TJP1: variants seen among roughly 807,000 people sequenced by gnomAD.
TJP1 encodes tight junction protein 1, also known as tight junction protein ZO-1.
Under a neutral mutation model 194.2 loss-of-function variants are expected in TJP1, and 43 were observed. The ratio of observed to expected loss-of-function variants is 0.22; its 90% confidence interval spans 0.17 to 0.29. The LOEUF (loss-of-function observed/expected upper bound fraction) is 0.29, where lower values mean the gene tolerates loss of function less well. TJP1 is among the 10% of genes least tolerant of loss of function. The pLI, the probability that TJP1 is intolerant of heterozygous loss-of-function variation, is 1.00. For synonymous variants in TJP1, 801 were observed against 779.0 expected (o/e 1.03, Z -0.47); for missense variants, 1,971 against 2,185.7 (o/e 0.90, Z 1.96).
chr15:29,742,586 A>G, intron 9 of TJP1, 56 bp downstream of exon 9: 2 of 1,464,474 alleles, frequency 1.4e-6, no homozygotes, highest in Non-Finnish European at 1.8e-6. Flanking sequence ...AAATCCTAAC[A>G]ATTACTTCAC....
At chr15:29,748,725 A>G (rs2045001005) in intron 8 of TJP1, among the ~76,000 whole-genome samples, 1 of 151,932 alleles carries the variant, frequency 6.6e-6, no homozygotes, top group Non-Finnish European at 1.5e-5. Context: ...GATGCGTGCC[A>G]CCATACCCTG....
chr15:29,855,805 G>A (rs961719378), intron 2 of TJP1, among the ~76,000 whole-genome samples: 3 of 151,484 alleles, frequency 2.0e-5, no homozygotes, highest in East Asian at 1.9e-4. Context: ...TCAGTGAGCC[G>A]AGATAACAAC....
intron 2 of TJP1, among the ~76,000 whole-genome samples, chr15:29,856,745 G>A (rs2051867083): frequency 6.6e-6 from 1 of 151,820 alleles, no homozygotes; most frequent in Admixed American, 6.6e-5. Context: ...AGGCTGAGGC[G>A]GGCAGATCAC....
intron 5 of TJP1, among the ~76,000 whole-genome samples, chr15:29,765,338 G>A (rs2046266757): frequency 6.6e-6 from 1 of 152,208 alleles, no homozygotes; most frequent in East Asian, 1.9e-4. Context: ...TATGCCAAGT[G>A]GTAAAGCAGA....
chr15:29,820,176 T>TC (rs397854483), intron 1 of TJP1, among the ~76,000 whole-genome samples: 57 of 151,458 alleles, frequency 3.8e-4, no homozygotes, highest in African/African-American at 9.0e-4. Context: ...TTTTTTTTTT[T>TC]CCAAACTGAA....
At chr15:29,896,674 T>C (rs1596206862) in intron 2 of TJP1, among the ~76,000 whole-genome samples, 1 of 152,154 alleles carries the variant, frequency 6.6e-6, no homozygotes, top group African/African-American at 2.4e-5. Flanking sequence ...AAAATGCTGA[T>C]AGTGATCTGA....
At chr15:29,826,503 A>C (rs1370052196), upstream of TJP1, among the ~76,000 whole-genome samples, 1 of 152,210 alleles carries the variant, frequency 6.6e-6, no homozygotes, top group East Asian at 1.9e-4. Context: ...ATCCATAGAG[A>C]AAACAGACAT....
intron 8 of TJP1, 41 bp downstream of exon 8, chr15:29,761,098 A>G (rs1178897359): frequency 6.5e-7 from 1 of 1,536,124 alleles, no homozygotes; most frequent in African/African-American, 1.4e-5. Flanking sequence ...GTATCAAGCA[A>G]ACAAAACCCC....
At chr15:29,799,695 G>A (rs553352736) in intron 2 of TJP1, among the ~76,000 whole-genome samples, 34 of 152,206 alleles carry the variant, frequency 2.2e-4, no homozygotes, top group East Asian at 7.7e-4. Flanking sequence ...GATTACAGGC[G>A]TGAGCCACCA....
At chr15:29,744,985 G>A (rs773805321) in intron 8 of TJP1, among the ~76,000 whole-genome samples, 6 of 152,114 alleles carry the variant, frequency 3.9e-5, no homozygotes, top group Non-Finnish European at 2.9e-5. Context: ...TGCAAGATTA[G>A]TTCGACATTA....
At chr15:29,761,108 C>T (rs1183970020) in intron 8 of TJP1, 31 bp downstream of exon 8, 1 of 1,555,750 alleles carries the variant, frequency 6.4e-7, no homozygotes, top group African/African-American at 1.4e-5. Context: ...AACAAAACCC[C>T]TGTATTTTTT....
chr15:29,718,553 G>A lies in TJP1; in HGVS notation c.3589C>T (p.Arg1197Cys), dbSNP rs2042717488. The change falls in exon 21 of 28, where the codon CGC becomes TGC. Residue 1197 changes from arginine (R) to cysteine (C), a missense_variant. Around this residue, in one of 5 missense-constraint regions of TJP1, gnomAD observed 1,108 missense variants for 1,128.5 expected, o/e 0.98. Transcript: ENST00000614355. ...ESKQYFEQYS[R>C]SYEQVPPQGF... ...TGGGGTGGTACTTGCTCGTAACTGC[G>A]TGAATATTGCTCAAAATACTGCTTG... The A allele has an allele frequency of 6.2e-7, 1 of 1,614,128 alleles. No individual in the cohort carries two copies. Among genetic ancestry groups the A allele is most frequent in the Non-Finnish European group, 8.5e-7 (1 of 1,180,030 alleles).
At chr15:29,915,810 G>A (rs191352987) in intron 2 of TJP1, among the ~76,000 whole-genome samples, 1 of 152,042 alleles carries the variant, frequency 6.6e-6, no homozygotes, top group Non-Finnish European at 1.5e-5. Flanking sequence ...TACTTTCTTT[G>A]TTTTGGTATA....
chr15:29,949,061 A>T (rs1289220542), intron 2 of TJP1, among the ~76,000 whole-genome samples: 40 of 137,296 alleles, frequency 2.9e-4, no homozygotes, highest in Non-Finnish European at 5.2e-4. Flanking sequence ...CACCTCCACC[A>T]CCACCTCTAC....
intron 10 of TJP1, among the ~76,000 whole-genome samples, chr15:29,740,519 C>A (rs1453815114): frequency 1.3e-5 from 2 of 151,872 alleles, no homozygotes; most frequent in African/African-American, 4.8e-5. Context: ...TTCATCCCAG[C>A]TACTCAGGAG....
At chr15:29,859,912 C>A (rs960648671) in intron 2 of TJP1, among the ~76,000 whole-genome samples, 1 of 152,062 alleles carries the variant, frequency 6.6e-6, no homozygotes, top group Middle Eastern at 3.2e-3. Context: ...AATGAAATCT[C>A]CTGTGTATAC....
intron 2 of TJP1, among the ~76,000 whole-genome samples, chr15:29,877,129 T>C (rs571474570): frequency 6.6e-6 from 1 of 152,362 alleles, no homozygotes; most frequent in African/African-American, 2.4e-5. Flanking sequence ...AAACTCATTG[T>C]TCTTATAATT....
intron 4 of TJP1, 131 bp downstream of exon 4, chr15:29,771,932 CA>C: frequency 1.7e-6 from 1 of 579,712 alleles, no homozygotes; most frequent in East Asian, 3.1e-5. Flanking sequence ...AAGAAACACT[CA>C]AGTGTAAACA....
At chr15:29,815,179 C>T (rs1216060308) in intron 1 of TJP1, among the ~76,000 whole-genome samples, 1 of 152,146 alleles carries the variant, frequency 6.6e-6, no homozygotes, top group Non-Finnish European at 1.5e-5. Flanking sequence ...AACCTGAAGC[C>T]ACTCTTCTCT....
Sources: allele counts gnomAD v4.1 joint callset (sites outside exome capture counted in the v4.1 genomes callset), GRCh38; gene constraint gnomAD v4.1.1; regional missense constraint gnomAD v4.1.1; transcripts MANE v1.5; gene names NCBI Gene and HGNC (gene_info 2026-07-23, HGNC 2026-07-21).